The following PRKCQ variants were observed in gnomAD, a reference collection of about 807,000 sequenced individuals.
PRKCQ encodes the protein protein kinase C theta.
A neutral mutation model predicts 91.2 loss-of-function variants in PRKCQ; 41 were observed. The observed-to-expected ratio is 0.45, with a 90% confidence interval of 0.35 to 0.58. The LOEUF is 0.58. Ranked by LOEUF, PRKCQ falls within the 20% of genes least tolerant of loss-of-function variation. The probability of loss-of-function intolerance (pLI) is 0.00; values close to 1 mark genes in which losing one functional copy is unlikely to be tolerated. For synonymous variants in PRKCQ, 307 were observed against 316.9 expected (o/e 0.97, Z 0.33); for missense variants, 673 against 896.5 (o/e 0.75, Z 3.18).
intron 4 of PRKCQ, among the ~76,000 whole-genome samples, chr10:6,505,951 C>T (rs533722547): frequency 6.6e-6 from 1 of 152,208 alleles, no homozygotes; most frequent in Non-Finnish European, 1.5e-5. Context: ...CAGACAAGAC[C>T]CTTTTTCAAT....
chr10:6,395,056 C>CTTT, the PRKCQ span, among the ~76,000 whole-genome samples: 1,192 of 66,546 alleles, frequency 0.018, 34 homozygotes, highest in Non-Finnish European at 0.021. Context: ...AAGCTGGAGT[C>CTTT]TTTTTTTTTT....
At chr10:6,486,941 C>T (rs75909214) in intron 8 of PRKCQ, among the ~76,000 whole-genome samples, 1,638 of 152,166 alleles carry the variant, frequency 0.011, 38 homozygotes, top group African/African-American at 0.035. Flanking sequence ...GGAGAGGTCA[C>T]GGCAGAACAC....
chr10:6,508,995 T>C (rs1187905974), intron 3 of PRKCQ, among the ~76,000 whole-genome samples: 4 of 152,052 alleles, frequency 2.6e-5, no homozygotes, highest in South Asian at 4.1e-4. Flanking sequence ...CAGATTCCAA[T>C]AGAAGCAAGG....
At position 6,498,514 on chromosome 10, in the gene PRKCQ, A is replaced by C. The variant is rs1837739257; in HGVS notation, c.424T>G (p.Leu142Val). 6.2e-7 allele frequency: 1 copy of C among 1,614,044 alleles called. No individual in the cohort carries two copies. Among genetic ancestry groups the C allele is most frequent in the African/African-American group, 1.3e-5 (1 of 74,910 alleles). ...TTGATGGCACCCCGGCGCTGATGCA[A>C]AGCAAAGAAGCCTTCCGTCTCAAAT... ...NEFETEGFFA[L>V]HQRRGAIKQA... Residue 142 changes from leucine to valine, a missense_variant, in exon 5 of 18, where the codon TTG (leucine) becomes GTG (valine). Physicochemically the swap from Leu to Val is conservative, Grantham distance 32. Coordinates refer to ENST00000263125, the MANE Select transcript of PRKCQ (RefSeq NM_006257.5).
intron 11 of PRKCQ, among the ~76,000 whole-genome samples, chr10:6,482,441 A>C (rs1475710084): frequency 6.6e-6 from 1 of 152,116 alleles, no homozygotes; most frequent in African/African-American, 2.4e-5. Context: ...AAAAAGGAGA[A>C]CACTTGGATG....
At chr10:6,474,289 C>A (rs902612757) in intron 12 of PRKCQ, among the ~76,000 whole-genome samples, 1 of 152,168 alleles carries the variant, frequency 6.6e-6, no homozygotes, top group Non-Finnish European at 1.5e-5. Flanking sequence ...AAAACCACGG[C>A]GGCCTGCCCT....
At chr10:6,436,389 G>T (rs1027047025) in intron 16 of PRKCQ, among the ~76,000 whole-genome samples, 2 of 152,076 alleles carry the variant, frequency 1.3e-5, no homozygotes, top group South Asian at 4.1e-4. Context: ...TTCTCCCAAC[G>T]GTTCCATCCC....
intron 1 of PRKCQ, among the ~76,000 whole-genome samples, chr10:6,516,470 G>A (rs1838761474): frequency 6.6e-6 from 1 of 152,142 alleles, no homozygotes; most frequent in Admixed American, 6.5e-5. Flanking sequence ...TTTAGGAGGC[G>A]CCCTTTGCCC....
intron 1 of PRKCQ, among the ~76,000 whole-genome samples, chr10:6,569,305 A>G (rs1840947393): frequency 6.6e-6 from 1 of 152,030 alleles, no homozygotes; most frequent in Non-Finnish European, 1.5e-5. Context: ...AGAGGACAAG[A>G]GACATCTTGG....
At chr10:6,471,408 C>T (rs533018340) in intron 12 of PRKCQ, among the ~76,000 whole-genome samples, 30 of 152,218 alleles carry the variant, frequency 2.0e-4, no homozygotes, top group African/African-American at 4.1e-4. Flanking sequence ...TGTATCTGAG[C>T]GTGATTTATA....
chr10:6,430,938 G>A lies in PRKCQ; in HGVS notation c.1837C>T (p.Leu613Phe). 1 of 1,613,890 alleles carries A rather than the reference G, an allele frequency of 6.2e-7. No homozygotes were observed. ...CTCTTCTCAGGTTCTCGCACGAAGAGCTGAAAGGGAGCAGAGCAGGAGCCC... is the reference window on the plus strand; with the variant it reads ...CTCTTCTCAGGTTCTCGCACGAAGAACTGAAAGGGAGCAGAGCAGGAGCCC... Reference protein sequence around the residue: ...EKEAKDLLVKLFVREPEKRLG... With the variant: ...EKEAKDLLVKFFVREPEKRLG... Residue 613 changes from leucine (L) to phenylalanine (F), a missense_variant and splice_region_variant, in exon 17 of 18, where the codon CTC (leucine) becomes TTC (phenylalanine). Transcript: ENST00000263125. This position sits in a 1 kb window ranked among gnomAD's most constrained non-coding sequence, Gnocchi z 4.7.
In PRKCQ at chr10:6,490,622, A is replaced by G. The variant is rs1837242022; in HGVS notation, c.790+1061T>C. Among the ~76,000 whole-genome samples the G allele has an allele frequency of 2.0e-5, 3 of 151,848 alleles. No individual in the cohort carries two copies. The East Asian group carries it at 5.8e-4, about 29-fold the overall frequency. On this transcript the variant is annotated intron_variant, in intron 8 of 17. Transcript: ENST00000263125. ...AAAACAGGCATGGTAGCACATGCCC[A>G]TGGTCCCAGCTACTTGAGAGGCTGA...
In PRKCQ at chr10:6,530,362, C is replaced by T. The variant is rs561719913; in HGVS notation, c.-9-15218G>A. On this transcript the variant is annotated intron_variant, in intron 1 of 17. Transcript: ENST00000263125. ...CTCCTATGCTGCTGTGACACCACAC[C>T]CCACTTCCTCCCGCGGGCGTGTGAC... Among the ~76,000 whole-genome samples, 5 of 152,322 alleles carry T rather than the reference C, an allele frequency of 3.3e-5. No individual in the cohort carries two copies. The East Asian group carries it at 5.8e-4, about 18-fold the overall frequency.
the PRKCQ span, among the ~76,000 whole-genome samples, chr10:6,415,704 C>A: frequency 0.15 from 22,622 of 150,378 alleles, 2,308 homozygotes; most frequent in Middle Eastern, 0.22. Context: ...AAATGAAGCC[C>A]CATTGTTGAC....
Position 6,483,492 on chromosome 10 carries a change from T to A in PRKCQ, c.1127A>T (p.Lys376Ile), listed in dbSNP as rs1266603490. Reference sequence around the variant, plus strand: ...TTTGTGCAAGATAAAATCCTCAATTTTTAGTTTAATCTGCAGAGATGGTCT... The same window carrying A: ...TTTGTGCAAGATAAAATCCTCAATTATTAGTTTAATCTGCAGAGATGGTCT... ...KERPSLQIKL[K>I]IEDFILHKML... is the part of the protein sequence containing the mutation. Residue 376 changes from lysine to isoleucine, a missense_variant, in exon 11 of 18, where the codon AAA becomes ATA. Physicochemically the swap from Lys to Ile is moderately radical, Grantham distance 102. Coordinates refer to ENST00000263125, the MANE Select transcript of PRKCQ (RefSeq NM_006257.5). The A allele has an allele frequency of 1.9e-6, 3 of 1,614,222 alleles. No individual in the cohort carries two copies. Among genetic ancestry groups the A allele is most frequent in the South Asian group, 1.1e-5 (1 of 91,088 alleles).
the PRKCQ span, among the ~76,000 whole-genome samples, chr10:6,406,079 T>C: frequency 6.6e-6 from 1 of 152,178 alleles, no homozygotes; most frequent in Non-Finnish European, 1.5e-5. Context: ...TTTACCAACA[T>C]GGAGAAAGAG....
rs752079897 is a variant in PRKCQ, at chr10:6,580,248, TGGGACTGCGCGGGGACTGCGCG to T, written c.-69_-48del. ...CGGCGCCGCTGCTGCCCGGTGGCGC[TGGGACTGCGCGGGGACTGCGCG>T]GGGACTGCGCGGGGACTGGCGGGGC... On this transcript the variant is annotated 5_prime_UTR_variant, in exon 1 of 18. Transcript: ENST00000263125. 23 of 145,486 alleles carry T rather than the reference TGGGACTGCGCGGGGACTGCGCG, an allele frequency of 1.6e-4. 1 individual carries two copies. The South Asian group carries it at 2.9e-3, about 18-fold the overall frequency. The allele number at this position is 145,486 out of a possible 1,614,324, so 9.0% of individuals were successfully genotyped here.
At chr10:6,547,224 A>T (rs1413178971) in intron 1 of PRKCQ, among the ~76,000 whole-genome samples, 1 of 152,140 alleles carries the variant, frequency 6.6e-6, no homozygotes, top group African/African-American at 2.4e-5. Context: ...TGCTCAATGA[A>T]ATAAAAGAGG....
the PRKCQ span, among the ~76,000 whole-genome samples, chr10:6,411,202 T>C: frequency 6.6e-5 from 10 of 152,226 alleles, no homozygotes; most frequent in African/African-American, 2.4e-4. Context: ...TTCTGTTCTT[T>C]AAGCTCTTTA....
Sources: allele counts gnomAD v4.1 joint callset (sites outside exome capture counted in the v4.1 genomes callset), GRCh38; gene constraint gnomAD v4.1.1; non-coding constraint Gnocchi (gnomAD v3.1); transcripts MANE v1.5; gene names NCBI Gene and HGNC (gene_info 2026-07-23, HGNC 2026-07-21).